The following RGS7 variants were observed in gnomAD, a reference collection of about 807,000 sequenced individuals.
RGS7 encodes the protein regulator of G-protein signaling 7.
Under a neutral mutation model 81.1 loss-of-function variants are expected in RGS7, and 27 were observed. That is an observed-to-expected ratio of 0.33 (90% CI 0.25 to 0.46). RGS7 has a LOEUF of 0.46. Among genes scored for constraint, RGS7 ranks in the 20% least tolerant of loss-of-function variants. The pLI, the probability that RGS7 is intolerant of heterozygous loss-of-function variation, is 1.00. For missense variants in RGS7, 396 were observed against 607.4 expected (o/e 0.65, Z 3.66); for synonymous variants, 208 against 207.7 (o/e 1.00, Z -0.01).
chr1:241,197,970 T>C (rs2073208212), intron 2 of RGS7, among the ~76,000 whole-genome samples: 1 of 151,932 alleles, frequency 6.6e-6, no homozygotes, highest in African/African-American at 2.4e-5. Flanking sequence ...TCTGTCTACC[T>C]ACCTACCTAC....
At chr1:240,985,838 G>A (rs1298797027) in intron 3 of RGS7, among the ~76,000 whole-genome samples, 4 of 151,918 alleles carry the variant, frequency 2.6e-5, no homozygotes, top group Admixed American at 6.6e-5. Flanking sequence ...AAAGAGAAAC[G>A]TGCTCCTATA....
At chr1:241,177,472 CCGTATTTATAAAT>C (rs1396778144) in intron 2 of RGS7, among the ~76,000 whole-genome samples, 1 of 152,032 alleles carries the variant, frequency 6.6e-6, no homozygotes, top group African/African-American at 2.4e-5. Context: ...TCATCTAGGG[CCGTATTTATAAAT>C]TTGGGTTTTA....
At chr1:240,851,538 A>G (rs950048959) in intron 9 of RGS7, among the ~76,000 whole-genome samples, 1 of 152,200 alleles carries the variant, frequency 6.6e-6, no homozygotes, top group Non-Finnish European at 1.5e-5. Context: ...AGTAATTTTG[A>G]CTTTCAAGTC....
chr1:241,287,031 A>G (rs2148428147), intron 2 of RGS7, among the ~76,000 whole-genome samples: 1 of 152,362 alleles, frequency 6.6e-6, no homozygotes, highest in East Asian at 1.9e-4. Context: ...TAAAAAGCCC[A>G]TGGACAATGA....
chr1:240,910,293 C>G (rs937978936), intron 6 of RGS7, among the ~76,000 whole-genome samples: 27 of 152,258 alleles, frequency 1.8e-4, no homozygotes, highest in African/African-American at 5.8e-4. Flanking sequence ...GCGTTTGGCC[C>G]TTGAAACCGG....
intron 6 of RGS7, among the ~76,000 whole-genome samples, chr1:240,904,386 C>T (rs1024697754): frequency 6.6e-5 from 10 of 152,184 alleles, no homozygotes; most frequent in Admixed American, 5.9e-4. Context: ...CACACACATA[C>T]AAACACACAC....
chr1:241,304,598 G>A (rs139059514), intron 2 of RGS7, among the ~76,000 whole-genome samples: 9 of 152,292 alleles, frequency 5.9e-5, no homozygotes, highest in South Asian at 2.1e-4. Flanking sequence ...GGTAGGGGCC[G>A]GGAGCGGGTG....
chr1:241,140,733 C>T (rs2067866376), intron 2 of RGS7, among the ~76,000 whole-genome samples: 1 of 152,208 alleles, frequency 6.6e-6, no homozygotes, highest in Non-Finnish European at 1.5e-5. Context: ...CTTTAACTCT[C>T]ATTTTTCAAG....
At chr1:240,984,375 A>G (rs1013131576) in intron 3 of RGS7, among the ~76,000 whole-genome samples, 1 of 152,176 alleles carries the variant, frequency 6.6e-6, no homozygotes, top group African/African-American at 2.4e-5. Flanking sequence ...TCAGTGTACA[A>G]AGGAATTTCT....
intron 2 of RGS7, among the ~76,000 whole-genome samples, chr1:241,300,648 TTATC>T (rs1326890203): frequency 2.6e-5 from 4 of 152,234 alleles, no homozygotes; most frequent in Admixed American, 1.3e-4. Context: ...GTACCACAGT[TTATC>T]TATTCACCCA....
chr1:241,116,953 A>C (rs2065920976), intron 2 of RGS7, among the ~76,000 whole-genome samples: 2 of 152,186 alleles, frequency 1.3e-5, no homozygotes, highest in Non-Finnish European at 2.9e-5. Context: ...AATCATGTTA[A>C]TCATTCCTTT....
intron 5 of RGS7, 132 bp downstream of exon 5, chr1:240,936,468 T>A: frequency 1.4e-6 from 1 of 699,104 alleles, no homozygotes; most frequent in South Asian, 1.6e-5. Context: ...TTAATGTTAA[T>A]CAGTTTCTAA....
At chr1:241,272,072 C>T (rs1242251589) in intron 2 of RGS7, among the ~76,000 whole-genome samples, 1 of 151,594 alleles carries the variant, frequency 6.6e-6, no homozygotes, top group African/African-American at 2.4e-5. Context: ...CAGCTCACTG[C>T]AACCTCCGCC....
chr1:240,909,516 C>T (rs1671381771), intron 6 of RGS7, among the ~76,000 whole-genome samples: 1 of 152,096 alleles, frequency 6.6e-6, no homozygotes, highest in African/African-American at 2.4e-5. Flanking sequence ...ATCTTTTACC[C>T]TACCTAAATG....
chr1:241,097,173 G>A (rs577079083), intron 3 of RGS7, among the ~76,000 whole-genome samples: 1 of 151,818 alleles, frequency 6.6e-6, no homozygotes, highest in South Asian at 2.1e-4. Context: ...TGAGCTCTCT[G>A]AACTGACTAC....
chr1:241,347,107 C>G (rs2082941390), intron 2 of RGS7, among the ~76,000 whole-genome samples: 1 of 152,158 alleles, frequency 6.6e-6, no homozygotes, highest in East Asian at 1.9e-4. Flanking sequence ...ACATGGAGAG[C>G]TTTGTGTGGA....
intron 2 of RGS7, among the ~76,000 whole-genome samples, chr1:241,318,833 T>C (rs543864954): frequency 1.3e-5 from 2 of 152,336 alleles, no homozygotes; most frequent in African/African-American, 2.4e-5. Flanking sequence ...GATCAACATT[T>C]ATATTTTAAT....
chr1:240,900,167 A>G (rs1340589608), intron 6 of RGS7, among the ~76,000 whole-genome samples: 1 of 152,058 alleles, frequency 6.6e-6, no homozygotes, highest in Non-Finnish European at 1.5e-5. Context: ...TACGCTGTTT[A>G]TTCTAGTTAG....
intron 2 of RGS7, among the ~76,000 whole-genome samples, chr1:241,250,108 T>C (rs1413337173): frequency 6.6e-6 from 1 of 152,260 alleles, no homozygotes; most frequent in East Asian, 1.9e-4. Flanking sequence ...TTTTACAGGA[T>C]GGGGAAAGCA....
Sources: allele counts gnomAD v4.1 joint callset (sites outside exome capture counted in the v4.1 genomes callset), GRCh38; gene constraint gnomAD v4.1.1; transcripts MANE v1.5; gene names NCBI Gene and HGNC (gene_info 2026-07-23, HGNC 2026-07-21).